The following ANKS1B variants were observed in gnomAD, a reference collection of about 807,000 sequenced individuals.
ANKS1B encodes the protein ankyrin repeat and sterile alpha motif domain containing 1B.
Under a neutral mutation model 148.3 loss-of-function variants are expected in ANKS1B, and 36 were observed. The observed-to-expected ratio is 0.24, with a 90% CI of 0.19 to 0.32. The LOEUF (loss-of-function observed/expected upper bound fraction) is 0.32. ANKS1B is among the 10% of genes least tolerant of loss of function. The probability of loss-of-function intolerance (pLI) is 1.00; values close to 1 mark genes in which losing one functional copy is unlikely to be tolerated. For synonymous variants in ANKS1B, 542 were observed against 560.8 expected (o/e 0.97, Z 0.47); for missense variants, 1,157 against 1,542.6 (o/e 0.75, Z 4.19).
At chr12:99,963,315 G>C (rs117521843) in intron 1 of ANKS1B, among the ~76,000 whole-genome samples, 1 of 152,110 alleles carries the variant, frequency 6.6e-6, no homozygotes, top group African/African-American at 2.4e-5. Context: ...TGTTCACTCC[G>C]ATGATAGTTT....
At chr12:99,803,747 T>C (rs1209632158) in intron 4 of ANKS1B, among the ~76,000 whole-genome samples, 4 of 152,216 alleles carry the variant, frequency 2.6e-5, no homozygotes, top group Non-Finnish European at 2.9e-5. Flanking sequence ...AATGCACATA[T>C]GCAAGCTAAA....
At chr12:99,757,131 G>C (rs1046001973) in intron 8 of ANKS1B, among the ~76,000 whole-genome samples, 1 of 152,060 alleles carries the variant, frequency 6.6e-6, no homozygotes, top group Admixed American at 6.6e-5. Flanking sequence ...CTTCTGCACA[G>C]CCAAAGAAAC....
intron 12 of ANKS1B, among the ~76,000 whole-genome samples, chr12:99,380,385 T>A (rs1237104533): frequency 6.6e-6 from 1 of 151,722 alleles, no homozygotes; most frequent in Non-Finnish European, 1.5e-5. Flanking sequence ...TAAAAAACTT[T>A]TTTGAGCTAC....
intron 9 of ANKS1B, among the ~76,000 whole-genome samples, chr12:99,640,652 A>C (rs1280958242): frequency 6.6e-6 from 1 of 152,172 alleles, no homozygotes; most frequent in African/African-American, 2.4e-5. Flanking sequence ...TTTTCTTTAT[A>C]AATTATCCAG....
intron 11 of ANKS1B, among the ~76,000 whole-genome samples, chr12:99,427,713 G>A (rs1224386907): frequency 6.6e-6 from 1 of 152,162 alleles, no homozygotes; most frequent in African/African-American, 2.4e-5. Flanking sequence ...GATGAAGCCT[G>A]GTAAATAGAG....
At chr12:99,924,561 T>A (rs2094440791) in intron 1 of ANKS1B, among the ~76,000 whole-genome samples, 1 of 152,114 alleles carries the variant, frequency 6.6e-6, no homozygotes, top group South Asian at 2.1e-4. Context: ...TATGTTGAAA[T>A]CCTAATCCCC....
At chr12:99,493,343 C>T (rs74805082) in intron 10 of ANKS1B, among the ~76,000 whole-genome samples, 2,146 of 152,020 alleles carry the variant, frequency 0.014, 40 homozygotes, top group African/African-American at 0.049. Context: ...ATTCACATTT[C>T]TACAAAGAAG....
chr12:98,981,783 T>C (rs1471240278), intron 17 of ANKS1B, among the ~76,000 whole-genome samples: 1 of 152,236 alleles, frequency 6.6e-6, no homozygotes, highest in African/African-American at 2.4e-5. Context: ...ATCATAATTA[T>C]CAAAGAAAAC....
chr12:99,899,374 C>T (rs2093503781), intron 1 of ANKS1B, among the ~76,000 whole-genome samples: 1 of 152,074 alleles, frequency 6.6e-6, no homozygotes, highest in Admixed American at 6.6e-5. Flanking sequence ...AATATTGTTT[C>T]CCTCATAGCC....
At chr12:98,814,346 CATA>C (rs2099122694) in intron 19 of ANKS1B, among the ~76,000 whole-genome samples, 1 of 152,218 alleles carries the variant, frequency 6.6e-6, no homozygotes, top group Admixed American at 6.5e-5. Context: ...TGAATGGAAT[CATA>C]TAACACATTC....
At chr12:99,690,952 A>G (rs946556540) in intron 8 of ANKS1B, among the ~76,000 whole-genome samples, 3 of 151,782 alleles carry the variant, frequency 2.0e-5, no homozygotes, top group Non-Finnish European at 4.4e-5. Flanking sequence ...AAACTTCTGC[A>G]TGGACATCCA....
rs75615285 is a variant in ANKS1B at position 99,843,227 on chromosome 12, T to C, written c.135-17838A>G. Among the ~76,000 whole-genome samples the C allele has an allele frequency of 7.9e-3, 1,199 of 152,296 alleles. 16 individuals are homozygous for C. The highest frequency in any genetic ancestry group is 0.027 in the African/African-American group (1,133 of 41,582). ...TAATTTGTTGACTAGAAATCACACA[T>C]ATTTTTAAATCTGTTGTTATCTTCT... On this transcript the variant is annotated intron_variant, in intron 1 of 26. Transcript: ENST00000683438.
chr12:99,176,927 A>G (rs1273572649), intron 14 of ANKS1B, among the ~76,000 whole-genome samples: 1 of 152,176 alleles, frequency 6.6e-6, no homozygotes, highest in African/African-American at 2.4e-5. Context: ...TAAATTACAT[A>G]GTCTCAGATG....
At chr12:98,944,936 A>G (rs1185850389) in intron 17 of ANKS1B, among the ~76,000 whole-genome samples, 1 of 152,060 alleles carries the variant, frequency 6.6e-6, no homozygotes, top group Non-Finnish European at 1.5e-5. Context: ...TTATGTCTAA[A>G]CCCTTTTCTT....
intron 11 of ANKS1B, among the ~76,000 whole-genome samples, chr12:99,412,368 C>T (rs947330019): frequency 6.6e-6 from 1 of 152,156 alleles, no homozygotes; most frequent in South Asian, 2.1e-4. Context: ...ATCTGGTGGG[C>T]AAACAACAAA....
intron 15 of ANKS1B, among the ~76,000 whole-genome samples, chr12:99,143,339 C>G (rs111393102): frequency 6.6e-6 from 1 of 151,998 alleles, no homozygotes; most frequent in Admixed American, 6.6e-5. Flanking sequence ...GTTGCAAGGG[C>G]TCTTGTTCTT....
At chr12:99,455,002 T>C (rs1280988055) in intron 10 of ANKS1B, among the ~76,000 whole-genome samples, 3 of 152,216 alleles carry the variant, frequency 2.0e-5, no homozygotes, top group Non-Finnish European at 2.9e-5. Context: ...GATTCTCTGT[T>C]TTACTAATGC....
At chr12:99,677,983 T>A (rs66545308) in intron 8 of ANKS1B, among the ~76,000 whole-genome samples, 18,623 of 151,562 alleles carry the variant, frequency 0.12, 1,712 homozygotes, top group East Asian at 0.45. Context: ...AAAAAAAAAT[T>A]TTTTTTCAGT....
intron 15 of ANKS1B, among the ~76,000 whole-genome samples, chr12:99,121,052 T>C (rs1209903277): frequency 6.6e-6 from 1 of 151,872 alleles, no homozygotes. Context: ...GTTGGGTCTA[T>C]CCAAAGAGGA....
Sources: gnomAD v4.1 joint callset for allele counts (sites outside exome capture counted in the v4.1 genomes callset) on GRCh38, gnomAD v4.1.1 for gene constraint, MANE v1.5 for transcripts, NCBI Gene and HGNC (gene_info 2026-07-23, HGNC 2026-07-21) for gene names.